Variants in SPAG16 observed in about 807,000 individuals in gnomAD.
The protein encoded by SPAG16 is sperm-associated antigen 16 protein.
A neutral mutation model predicts 80.4 loss-of-function variants in SPAG16; 86 were observed. The ratio of observed to expected loss-of-function variants is 1.07; its 90% CI spans 0.90 to 1.28. The LOEUF (loss-of-function observed/expected upper bound fraction) is 1.28, where lower values mean the gene tolerates loss of function less well. Among genes scored for constraint, SPAG16 ranks in the 50% most tolerant of loss-of-function variants. SPAG16 has a pLI of 0.00. For missense variants in SPAG16, 870 were observed against 765.3 expected (o/e 1.14, Z -1.61); for synonymous variants, 294 against 265.9 (o/e 1.11, Z -1.03).
chr2:213,868,771 A>G (rs980192341), intron 11 of SPAG16, among the ~76,000 whole-genome samples: 9 of 152,188 alleles, frequency 5.9e-5, no homozygotes, highest in South Asian at 2.1e-4. Flanking sequence ...AATAGAGCTG[A>G]CAGCATCCTG....
chr2:213,575,013 C>A (rs1300481895), intron 10 of SPAG16, among the ~76,000 whole-genome samples: 1 of 151,982 alleles, frequency 6.6e-6, no homozygotes, highest in Non-Finnish European at 1.5e-5. Flanking sequence ...CTTATTTGTC[C>A]TGAAATCTTT....
chr2:213,689,002 C>T (rs1373953729), intron 10 of SPAG16, among the ~76,000 whole-genome samples: 1 of 152,148 alleles, frequency 6.6e-6, no homozygotes, highest in African/African-American at 2.4e-5. Context: ...CTCTGTTGCC[C>T]AGGCTGGAGT....
chr2:214,158,455 C>T (rs766510869), intron 15 of SPAG16, among the ~76,000 whole-genome samples: 7 of 151,918 alleles, frequency 4.6e-5, no homozygotes, highest in Non-Finnish European at 8.8e-5. Context: ...CCTCACAACA[C>T]GGTCTCTGTA....
intron 13 of SPAG16, among the ~76,000 whole-genome samples, chr2:214,104,145 CT>C (rs1206083912): frequency 6.6e-6 from 1 of 152,074 alleles, no homozygotes; most frequent in East Asian, 1.9e-4. Context: ...TTCAGTCATT[CT>C]TTAACTCAGG....
At chr2:214,199,029 A>G (rs951063775) in intron 15 of SPAG16, among the ~76,000 whole-genome samples, 3 of 151,992 alleles carry the variant, frequency 2.0e-5, no homozygotes, top group Admixed American at 6.6e-5. Flanking sequence ...TAGTTTGTGA[A>G]TATTTTCTTC....
Position 213,340,276 on chromosome 2 carries a change from CT to C in SPAG16, c.644+8del. The C allele has an allele frequency of 6.5e-7, 1 of 1,536,260 alleles. No individual in the cohort carries two copies. The highest frequency in any genetic ancestry group is 8.9e-7 in the Non-Finnish European group (1 of 1,118,704). ...TTAATTAATGACCTCAAAGGGTAAG[CT>C]TATACTTGTTGGCATATTTATTAAA... On this transcript the variant is annotated splice_region_variant and intron_variant, in intron 6 of 15. Coordinates refer to ENST00000331683, the MANE Select transcript of SPAG16 (RefSeq NM_024532.5).
chr2:213,311,078 C>T (rs1357863874), intron 4 of SPAG16, among the ~76,000 whole-genome samples: 1 of 151,484 alleles, frequency 6.6e-6, no homozygotes, highest in African/African-American at 2.4e-5. Flanking sequence ...CAGTCAGTTT[C>T]ATTATTTTAA....
chr2:213,990,689 G>A (rs1008573119), intron 12 of SPAG16, among the ~76,000 whole-genome samples: 4 of 152,112 alleles, frequency 2.6e-5, no homozygotes, highest in East Asian at 3.9e-4. Context: ...TGAGGAAGAC[G>A]AGGAACAGGA....
intron 15 of SPAG16, among the ~76,000 whole-genome samples, chr2:214,166,150 C>G (rs2056644781): frequency 6.6e-6 from 1 of 152,052 alleles, no homozygotes; most frequent in Non-Finnish European, 1.5e-5. Context: ...ATAGTGAAAA[C>G]AAAGGCAGTG....
At chr2:214,213,881 T>C (rs1203065312) in intron 15 of SPAG16, among the ~76,000 whole-genome samples, 2 of 152,164 alleles carry the variant, frequency 1.3e-5, no homozygotes, top group African/African-American at 4.8e-5. Context: ...TATGAACCAA[T>C]AAGTATCCAT....
At chr2:214,208,454 T>G (rs1213318847) in intron 15 of SPAG16, among the ~76,000 whole-genome samples, 1 of 152,186 alleles carries the variant, frequency 6.6e-6, no homozygotes, top group Non-Finnish European at 1.5e-5. Context: ...TGTGTAGACA[T>G]GCTCAAAGTA....
At chr2:214,214,963 C>A (rs1482845311) in intron 15 of SPAG16, among the ~76,000 whole-genome samples, 5 of 151,354 alleles carry the variant, frequency 3.3e-5, no homozygotes, top group Non-Finnish European at 5.9e-5. Flanking sequence ...GCAAATCTGC[C>A]TTTAAAAAAC....
intron 10 of SPAG16, among the ~76,000 whole-genome samples, chr2:213,637,442 A>C (rs2062408381): frequency 6.6e-6 from 1 of 152,052 alleles, no homozygotes; most frequent in African/African-American, 2.4e-5. Flanking sequence ...TGTTAGGGTG[A>C]TACTGGCTTC....
intron 10 of SPAG16, among the ~76,000 whole-genome samples, chr2:213,697,088 A>G (rs1363928181): frequency 6.6e-6 from 1 of 152,178 alleles, no homozygotes; most frequent in East Asian, 1.9e-4. Flanking sequence ...GAGCAGGGAC[A>G]CTTCATTTAT....
intron 15 of SPAG16, among the ~76,000 whole-genome samples, chr2:214,283,575 A>G (rs1046244614): frequency 1.3e-5 from 2 of 152,208 alleles, no homozygotes; most frequent in South Asian, 2.1e-4. Flanking sequence ...CACTCTGGAG[A>G]TAATACTCTA....
At chr2:213,722,859 A>G (rs540523482) in intron 10 of SPAG16, among the ~76,000 whole-genome samples, 4 of 152,130 alleles carry the variant, frequency 2.6e-5, no homozygotes, top group African/African-American at 9.7e-5. Flanking sequence ...TCATAACAGG[A>G]AACTCAGTTG....
intron 12 of SPAG16, among the ~76,000 whole-genome samples, chr2:213,949,320 C>A (rs1180522784): frequency 6.6e-6 from 1 of 151,496 alleles, no homozygotes; most frequent in South Asian, 2.1e-4. Flanking sequence ...ACAGGTGTGC[C>A]ACCACGCCCA....
intron 12 of SPAG16, among the ~76,000 whole-genome samples, chr2:213,935,201 CA>C (rs397872306): frequency 0.052 from 5,376 of 102,612 alleles, 159 homozygotes; most frequent in African/African-American, 0.13. Flanking sequence ...GACTCCATCT[CA>C]AAAAAAAAAA....
chr2:214,004,521 A>G lies in SPAG16; in HGVS notation c.1401-9430A>G, dbSNP rs74982916. ...TCTCAAAGGGATAAAGGAAGGATCC[A>G]CAATTGTAAGACCTTTGTAGTAAAT... On this transcript the variant is annotated intron_variant, in intron 12 of 15. Coordinates refer to ENST00000331683, the MANE Select transcript of SPAG16 (RefSeq NM_024532.5). Among the ~76,000 whole-genome samples the G allele has an allele frequency of 6.3e-3, 959 of 152,298 alleles. 7 individuals are homozygous for G. Among genetic ancestry groups the G allele is most frequent in the African/African-American group, 0.022 (920 of 41,574 alleles).
Sources: allele counts gnomAD v4.1 joint callset (sites outside exome capture counted in the v4.1 genomes callset), GRCh38; gene constraint gnomAD v4.1.1; transcripts MANE v1.5; gene names NCBI Gene and HGNC (gene_info 2026-07-23, HGNC 2026-07-21).